The following SNX10 variants were observed in gnomAD, a reference collection of about 807,000 sequenced individuals.
SNX10 encodes sorting nexin-10.
Under a neutral mutation model 28.5 loss-of-function variants are expected in SNX10, and 25 were observed. The ratio of observed to expected loss-of-function variants is 0.88; its 90% CI spans 0.64 to 1.22. The LOEUF (loss-of-function observed/expected upper bound fraction) is 1.22, where lower values mean the gene tolerates loss of function less well. Among genes scored for constraint, SNX10 ranks in the 50% most tolerant of loss-of-function variants. SNX10 has a pLI of 0.00. For synonymous variants in SNX10, 62 were observed against 81.4 expected, an observed-to-expected ratio of 0.76 and a Z score of 1.28; for missense variants, 223 against 242.6, an observed-to-expected ratio of 0.92 and a Z score of 0.54.
At chr7:26,368,709 C>G (rs1446237040) in intron 5 of SNX10, among the ~76,000 whole-genome samples, 1 of 152,132 alleles carries the variant, frequency 6.6e-6, no homozygotes, top group East Asian at 1.9e-4. Flanking sequence ...TTTACACACA[C>G]ACGATTTTTA....
intron 2 of SNX10, among the ~76,000 whole-genome samples, chr7:26,352,577 C>G (rs1345578859): frequency 6.6e-6 from 1 of 152,202 alleles, no homozygotes; most frequent in Non-Finnish European, 1.5e-5. Flanking sequence ...CCTGCTACCA[C>G]AGTCAATTAT....
At chr7:26,360,850 G>A (rs1232084026) in intron 2 of SNX10, 125 bp from the exon 3 acceptor site, 1 of 1,488,960 alleles carries the variant, frequency 6.7e-7, no homozygotes, top group African/African-American at 1.4e-5. Context: ...TTTTTTAAAG[G>A]ATTACAAGTA....
chr7:26,318,344 G>A (rs934096128), intron 1 of SNX10, among the ~76,000 whole-genome samples: 5 of 152,136 alleles, frequency 3.3e-5, no homozygotes, highest in African/African-American at 1.2e-4. Context: ...AGATGTACAT[G>A]TATATGCAGA....
intron 5 of SNX10, among the ~76,000 whole-genome samples, chr7:26,369,395 T>C (rs1427043396): frequency 6.6e-6 from 1 of 152,192 alleles, no homozygotes; most frequent in Non-Finnish European, 1.5e-5. Flanking sequence ...TCAAAATAAA[T>C]TAATTATGCT....
intron 1 of SNX10, among the ~76,000 whole-genome samples, chr7:26,314,402 G>A (rs1786984177): frequency 6.6e-6 from 1 of 152,078 alleles, no homozygotes; most frequent in South Asian, 2.1e-4. Context: ...TTACAGGCGT[G>A]TGTCACCATG....
chr7:26,296,473 A>T (rs1189996775), intron 1 of SNX10, among the ~76,000 whole-genome samples: 1 of 152,172 alleles, frequency 6.6e-6, no homozygotes, highest in Non-Finnish European at 1.5e-5. Context: ...CCATGATCTC[A>T]CCACTATACT....
At chr7:26,305,988 A>G (rs928211737) in intron 1 of SNX10, among the ~76,000 whole-genome samples, 3 of 152,060 alleles carry the variant, frequency 2.0e-5, no homozygotes, top group African/African-American at 7.2e-5. Context: ...TCTGCCTCCC[A>G]GGGTTAAACG....
intron 2 of SNX10, among the ~76,000 whole-genome samples, chr7:26,355,835 T>C (rs1304457859): frequency 6.6e-6 from 1 of 152,242 alleles, no homozygotes; most frequent in Non-Finnish European, 1.5e-5. Flanking sequence ...GATCTGAGTT[T>C]GAAACTTAGC....
At chr7:26,302,135 T>A (rs897885376) in intron 1 of SNX10, among the ~76,000 whole-genome samples, 1 of 152,142 alleles carries the variant, frequency 6.6e-6, no homozygotes, top group Non-Finnish European at 1.5e-5. Flanking sequence ...TTCATCTCCT[T>A]TTTTTCCAAT....
chr7:26,363,711 C>T (rs1789176798), intron 3 of SNX10, among the ~76,000 whole-genome samples: 2 of 152,152 alleles, frequency 1.3e-5, no homozygotes, highest in African/African-American at 4.8e-5. Flanking sequence ...ATGGGGACAC[C>T]ATCGGTGGCT....
intron 1 of SNX10, among the ~76,000 whole-genome samples, chr7:26,312,323 C>G (rs1295913552): frequency 6.6e-6 from 1 of 152,066 alleles, no homozygotes; most frequent in Admixed American, 6.6e-5. Context: ...GGCATAGCAA[C>G]CACCATAAGC....
chr7:26,295,811 G>C (rs1403094388), intron 1 of SNX10, among the ~76,000 whole-genome samples: 1 of 152,188 alleles, frequency 6.6e-6, no homozygotes, highest in African/African-American at 2.4e-5. Context: ...ATTTGGTATG[G>C]GAATCTACAA....
chr7:26,342,485 A>T (rs545631783), intron 1 of SNX10, among the ~76,000 whole-genome samples: 1 of 152,360 alleles, frequency 6.6e-6, no homozygotes, highest in African/African-American at 2.4e-5. Context: ...CTCTTGTGTC[A>T]TAAAGGTAGC....
chr7:26,355,282 A>C lies in SNX10; in HGVS notation c.25-5693A>C, dbSNP rs1453145167. Among the ~76,000 whole-genome samples, 4 of 152,132 alleles carry C rather than the reference A, an allele frequency of 2.6e-5. No individual in the cohort carries two copies. The East Asian group carries it at 7.7e-4, about 29-fold the overall frequency. ...CTTCCTCCCACTTTATTCTTTTTCA[A>C]AAATTTTTTGGCTATTCTAAGACAT... On this transcript the variant is annotated intron_variant, in intron 2 of 6. Transcript: ENST00000338523.
chr7:26,334,305 G>T (rs1362249447), intron 1 of SNX10, among the ~76,000 whole-genome samples: 2 of 152,220 alleles, frequency 1.3e-5, no homozygotes. Context: ...TTTAAGGACA[G>T]TTTTTGAAGA....
chr7:26,318,853 A>G (rs1787196502), intron 1 of SNX10, among the ~76,000 whole-genome samples: 1 of 152,160 alleles, frequency 6.6e-6, no homozygotes, highest in Admixed American at 6.5e-5. Flanking sequence ...TAATCCTTCT[A>G]GTAGCTGTAT....
At chr7:26,292,355 C>T (rs574056286) in intron 1 of SNX10, among the ~76,000 whole-genome samples, 35 of 152,162 alleles carry the variant, frequency 2.3e-4, no homozygotes, top group Admixed American at 2.1e-3. Context: ...AAAGACACCC[C>T]GGGGAGAGGG....
At chr7:26,327,271 G>A (rs1218322036) in intron 1 of SNX10, among the ~76,000 whole-genome samples, 1 of 152,098 alleles carries the variant, frequency 6.6e-6, no homozygotes, top group East Asian at 1.9e-4. Context: ...ATCTTTTGAA[G>A]TGCAGCCCTT....
intron 2 of SNX10, among the ~76,000 whole-genome samples, chr7:26,357,565 C>T (rs1419550589): frequency 1.3e-5 from 2 of 152,088 alleles, no homozygotes; most frequent in Admixed American, 6.5e-5. Context: ...TCATCAGATA[C>T]GTGTTTTGGA....
Sources: allele counts gnomAD v4.1 joint callset (sites outside exome capture counted in the v4.1 genomes callset), GRCh38; gene constraint gnomAD v4.1.1; transcripts MANE v1.5; gene names NCBI Gene and HGNC (gene_info 2026-07-23, HGNC 2026-07-21).